The following RTKN2 variants were observed in gnomAD, a reference collection of about 807,000 sequenced individuals.
The protein encoded by RTKN2 is rhotekin 2.
RTKN2 carries 69 observed loss-of-function variants against 71.5 expected under a neutral mutation model. The ratio of observed to expected loss-of-function variants is 0.96; its 90% CI spans 0.79 to 1.18. The LOEUF is 1.18. RTKN2 is among the 50% of genes most tolerant of loss of function. RTKN2 has a pLI of 0.00. For missense variants in RTKN2, 724 were observed against 719.7 expected (o/e 1.01, Z -0.07); for synonymous variants, 236 against 236.5 (o/e 1.00, Z 0.02).
chr10:62,241,123 A>T lies in RTKN2; in HGVS notation c.370+19T>A. ...ATACTAAAGAAAACATTTCAATTAC[A>T]AATTAAAATCATACATACGTTCTTT... On this transcript the variant is annotated intron_variant, in intron 4 of 11. Transcript: ENST00000373789. 4 of 1,419,218 alleles carry T rather than the reference A, an allele frequency of 2.8e-6. No individual in the cohort carries two copies. The highest frequency in any genetic ancestry group is 2.9e-6 in the Non-Finnish European group (3 of 1,019,456). The allele number at this position is 1,419,218 out of a possible 1,614,324, so 87.9% of individuals were successfully genotyped here. A position where few individuals can be genotyped will look rare whatever the true frequency, so the allele number is the denominator to read the frequency against.
At chr10:62,190,633 A>T (rs1841206902), downstream of RTKN2, among the ~76,000 whole-genome samples, 1 of 152,110 alleles carries the variant, frequency 6.6e-6, no homozygotes, top group Non-Finnish European at 1.5e-5. Context: ...GTCTAGAACA[A>T]AGTATTTACT....
intron 9 of RTKN2, among the ~76,000 whole-genome samples, chr10:62,208,477 T>C (rs993843492): frequency 6.6e-6 from 1 of 152,178 alleles, no homozygotes; most frequent in African/African-American, 2.4e-5. Context: ...AAGGGGCTTC[T>C]ACTAGTCAAA....
intron 9 of RTKN2, among the ~76,000 whole-genome samples, chr10:62,212,023 A>G (rs553904659): frequency 1.1e-3 from 170 of 152,122 alleles, no homozygotes; most frequent in African/African-American, 3.9e-3. Flanking sequence ...GAAAATACCA[A>G]ACTGGTTTTT....
At chr10:62,250,089 T>C (rs1382533698) in intron 2 of RTKN2, among the ~76,000 whole-genome samples, 1 of 152,206 alleles carries the variant, frequency 6.6e-6, no homozygotes, top group South Asian at 2.1e-4. Flanking sequence ...GAAACTAACA[T>C]CTGAAACCGT....
rs779232240 is a variant in RTKN2, at chr10:62,241,163, CAG to C, written c.347_348del (p.Ser116Ter). ...ATACGTTCTTTATTGCTGAAGTGAT[CAG>C]AGTCTTTCCACATTAGTGGTATTCG... ...DIRIPLMWKD[S>X]DHFSNKERSR... On this transcript the variant is annotated frameshift_variant, in exon 4 of 12. Coordinates refer to ENST00000373789, the MANE Select transcript of RTKN2 (RefSeq NM_145307.4). LOFTEE classifies it high-confidence loss of function. 54 of 1,559,158 alleles carry C rather than the reference CAG, an allele frequency of 3.5e-5. No homozygotes were observed. The highest frequency in any genetic ancestry group is 3.0e-4 in the African/African-American group (22 of 73,322).
intron 6 of RTKN2, among the ~76,000 whole-genome samples, chr10:62,225,701 A>G (rs1842006203): frequency 6.6e-6 from 1 of 151,862 alleles, no homozygotes; most frequent in Non-Finnish European, 1.5e-5. Flanking sequence ...AATACCTAGA[A>G]TTTCTCGTGA....
At chr10:62,209,962 T>G (rs1287387083) in intron 9 of RTKN2, among the ~76,000 whole-genome samples, 1 of 152,216 alleles carries the variant, frequency 6.6e-6, no homozygotes, top group Non-Finnish European at 1.5e-5. Context: ...ATGATTTATA[T>G]TCTTTTGGGT....
At chr10:62,210,221 C>T (rs147420371) in intron 9 of RTKN2, among the ~76,000 whole-genome samples, 33 of 152,142 alleles carry the variant, frequency 2.2e-4, no homozygotes, top group Non-Finnish European at 3.8e-4. Context: ...GGATTTTTAA[C>T]GATATATTAA....
chr10:62,240,003 G>T (rs1398825497), intron 4 of RTKN2, among the ~76,000 whole-genome samples: 2 of 152,008 alleles, frequency 1.3e-5, no homozygotes, highest in Non-Finnish European at 2.9e-5. Flanking sequence ...CCTCTCAGCA[G>T]CCTAAAGAAA....
chr10:62,250,156 A>C (rs992104529), intron 2 of RTKN2, among the ~76,000 whole-genome samples: 1 of 152,234 alleles, frequency 6.6e-6, no homozygotes. Flanking sequence ...TGCAAAACAC[A>C]AGCAATATCA....
chr10:62,190,246 C>G (rs1841199449), downstream of RTKN2, among the ~76,000 whole-genome samples: 1 of 152,138 alleles, frequency 6.6e-6, no homozygotes, highest in African/African-American at 2.4e-5. Flanking sequence ...ACCTTGGTCT[C>G]AATGCTTTTT....
chr10:62,241,824 G>A (rs192663300), intron 3 of RTKN2, among the ~76,000 whole-genome samples: 51 of 152,140 alleles, frequency 3.4e-4, no homozygotes, highest in Admixed American at 1.8e-3. Flanking sequence ...TCAGCCTCCC[G>A]AGTAGCTGGG....
At chr10:62,212,232 G>T (rs1268549928) in intron 9 of RTKN2, among the ~76,000 whole-genome samples, 1 of 151,934 alleles carries the variant, frequency 6.6e-6, no homozygotes, top group Non-Finnish European at 1.5e-5. Context: ...AGCCGGGCAT[G>T]GTGGTAGGTG....
rs1055740512 is a variant in RTKN2, at chr10:62,262,740, T to C, written c.142A>G (p.Lys48Glu). ...TTAACTGCATGTAAAACTTGATCTTTCTGAGTGCTCAGAGAAAGGAGTTTC... is the reference window on the plus strand; with the variant it reads ...TTAACTGCATGTAAAACTTGATCTTCCTGAGTGCTCAGAGAAAGGAGTTTC... ...IWKLLSLSTQ[K>E]DQVLHAVKNL... The change falls in exon 2 of 12, where the codon AAA becomes GAA. Residue 48 changes from lysine (K) to glutamate (E), a missense_variant. Lys to Glu is a moderately conservative substitution (Grantham distance 56). Transcript: ENST00000373789. 3.7e-6 allele frequency: 6 copies of C among 1,613,726 alleles called. No homozygotes were observed. The highest frequency in any genetic ancestry group is 5.1e-6 in the Non-Finnish European group (6 of 1,179,678).
chr10:62,227,482 CAAG>C (rs1054702578), intron 6 of RTKN2, among the ~76,000 whole-genome samples: 3 of 152,048 alleles, frequency 2.0e-5, no homozygotes, highest in African/African-American at 4.8e-5. Flanking sequence ...GTTTGACAAA[CAAG>C]GAGGTCACTG....
At chr10:62,261,770 C>G (rs1307464052) in intron 2 of RTKN2, among the ~76,000 whole-genome samples, 1 of 152,292 alleles carries the variant, frequency 6.6e-6, no homozygotes, top group Non-Finnish European at 1.5e-5. Flanking sequence ...TTACAGAAAT[C>G]TCAGACTCTG....
Position 62,197,849 on chromosome 10 carries a change from C to G in RTKN2, c.*59G>C. The G allele has an allele frequency of 6.6e-7, 1 of 1,512,362 alleles. No homozygotes were observed. Among genetic ancestry groups the G allele is most frequent in the Non-Finnish European group, 8.9e-7 (1 of 1,129,876 alleles). The allele number at this position is 1,512,362 out of a possible 1,614,324, so 93.7% of individuals were successfully genotyped here. A position where few individuals can be genotyped will look rare whatever the true frequency, so the allele number is the denominator to read the frequency against. Reference sequence around the variant, plus strand: ...TATAATTACACATTATTCTATAATGCCTCTGAATTAAGCTTCACAGTTATA... The same window carrying G: ...TATAATTACACATTATTCTATAATGGCTCTGAATTAAGCTTCACAGTTATA... On this transcript the variant is annotated 3_prime_UTR_variant, in exon 12 of 12. Transcript: ENST00000373789.
chr10:62,260,359 T>C (rs538684382), intron 2 of RTKN2, among the ~76,000 whole-genome samples: 2 of 152,336 alleles, frequency 1.3e-5, no homozygotes, highest in South Asian at 4.1e-4. Flanking sequence ...GTCATTTTTG[T>C]GTAATAACAA....
At chr10:62,232,732 A>T (rs1209983537) in intron 6 of RTKN2, among the ~76,000 whole-genome samples, 2 of 148,792 alleles carry the variant, frequency 1.3e-5, no homozygotes, top group Non-Finnish European at 3.0e-5. Context: ...GCATGAGTTT[A>T]AAAAAAAAAG....
Sources: gnomAD v4.1 joint callset for allele counts (sites outside exome capture counted in the v4.1 genomes callset) on GRCh38, gnomAD v4.1.1 for gene constraint, MANE v1.5 for transcripts, NCBI Gene and HGNC (gene_info 2026-07-23, HGNC 2026-07-21) for gene names.